C7: variants seen among roughly 807,000 people sequenced by gnomAD.
C7 encodes the protein complement C7.
In C7, 83 loss-of-function variants were observed where a neutral mutation model predicts 104.8. The ratio of observed to expected loss-of-function variants is 0.79; its 90% confidence interval spans 0.66 to 0.95. C7 has a LOEUF of 0.95. Among genes scored for constraint, C7 ranks in the 40% least tolerant of loss-of-function variants. C7 has a pLI of 0.00. For missense variants in C7, 1,070 were observed against 1,011.2 expected, an observed-to-expected ratio of 1.06 and a Z score of -0.79; for synonymous variants, 415 against 360.6, an observed-to-expected ratio of 1.15 and a Z score of -1.71.
chr5:40,968,183 T>C (rs1192313060), intron 14 of C7, among the ~76,000 whole-genome samples: 1 of 152,100 alleles, frequency 6.6e-6, no homozygotes, highest in Non-Finnish European at 1.5e-5. Context: ...TGGAGTGCAG[T>C]GGTGCGATCT....
intron 7 of C7, among the ~76,000 whole-genome samples, chr5:40,946,689 A>T (rs1220096575): frequency 6.6e-6 from 1 of 152,150 alleles, no homozygotes; most frequent in Non-Finnish European, 1.5e-5. Context: ...TTATATACTT[A>T]TATTTATCAG....
chr5:40,947,604 T>G lies in C7; in HGVS notation c.741T>G (p.Ser247Arg), dbSNP rs1428570475. ...TGTACTCTTTCTTCTTTCCACAGAG[T>G]TACCAACTGCTGGTTGTTGAGAACA... Reference protein sequence around the residue: ...SHTNEIHKGKSYQLLVVENTV... With the variant: ...SHTNEIHKGKRYQLLVVENTV... The change falls in exon 8 of 18, where the codon AGT (serine) becomes AGG (arginine). Residue 247 changes from serine (S) to arginine (R), a missense_variant and splice_region_variant. Ser to Arg is a moderately radical substitution (Grantham distance 110). Transcript: ENST00000313164. 2 of 1,613,080 alleles carry G rather than the reference T, an allele frequency of 1.2e-6. No individual in the cohort carries two copies. The highest frequency in any genetic ancestry group is 2.7e-5 in the African/African-American group (2 of 74,896).
chr5:40,970,728 A>G (rs1172930414), intron 14 of C7, among the ~76,000 whole-genome samples: 2 of 152,106 alleles, frequency 1.3e-5, no homozygotes, highest in African/African-American at 4.8e-5. Context: ...CGCATGCATT[A>G]GGTATTTTTC....
intron 1 of C7, among the ~76,000 whole-genome samples, chr5:40,918,124 GACA>G (rs1739357622): frequency 6.6e-6 from 1 of 152,078 alleles, no homozygotes; most frequent in Non-Finnish European, 1.5e-5. Context: ...AAACCACAAA[GACA>G]ACAAGACAGA....
intron 16 of C7, among the ~76,000 whole-genome samples, chr5:40,977,787 G>A (rs1740850460): frequency 6.6e-6 from 1 of 152,124 alleles, no homozygotes; most frequent in African/African-American, 2.4e-5. Flanking sequence ...TGGATCTGGG[G>A]AGGAAATAAG....
intron 1 of C7, among the ~76,000 whole-genome samples, chr5:40,918,306 G>T (rs1173311752): frequency 2.6e-5 from 4 of 151,988 alleles, no homozygotes; most frequent in African/African-American, 9.7e-5. Flanking sequence ...GGTGCAGTGA[G>T]CTGTGATCAC....
Position 40,981,646 on chromosome 5 carries a change from C to A in C7, c.*73C>A. 7.8e-7 allele frequency: 1 copy of A among 1,286,966 alleles called. No homozygotes were observed. The highest frequency in any genetic ancestry group is 1.1e-6 in the Non-Finnish European group (1 of 935,912). The allele number at this position is 1,286,966 out of a possible 1,614,324, so 79.7% of individuals were successfully genotyped here. A position where few individuals can be genotyped will look rare whatever the true frequency, so the allele number is the denominator to read the frequency against. On this transcript the variant is annotated 3_prime_UTR_variant, in exon 18 of 18. Coordinates refer to ENST00000313164, the MANE Select transcript of C7 (RefSeq NM_000587.4). The stretch of plus-strand genomic sequence containing the variant: ...GGGCTGAGTGAAAACATCTGCACAA[C>A]TGGGCACTGGACAGCTTTTCCTTCT...
At chr5:40,971,106 C>T (rs543877710) in intron 14 of C7, among the ~76,000 whole-genome samples, 86 of 152,160 alleles carry the variant, frequency 5.7e-4, no homozygotes, top group Non-Finnish European at 1.1e-3. Context: ...TACCCAGTAA[C>T]GGGATTGCTG....
intron 3 of C7, among the ~76,000 whole-genome samples, chr5:40,932,668 C>T (rs1739720813): frequency 6.6e-6 from 1 of 151,938 alleles, no homozygotes; most frequent in African/African-American, 2.4e-5. Flanking sequence ...TTACAGGCAA[C>T]CAGGTACATG....
chr5:40,921,049 C>CAAA lies in C7; in HGVS notation c.7-7518_7-7516dup, dbSNP rs34006222. 6.5e-3 allele frequency among the ~76,000 whole-genome samples: 826 copies of CAAA among 126,300 alleles called. 8 individuals carry two copies. Among genetic ancestry groups the CAAA allele is most frequent in the South Asian group, 0.012 (49 of 3,952 alleles). The allele number at this position is 126,300 out of a possible 152,430, so 82.9% of individuals were successfully genotyped here. A position where few individuals can be genotyped will look rare whatever the true frequency, so the allele number is the denominator to read the frequency against. ...GGGCGACAGAGCAAGACTCTGTCTC[C>CAAA]AAAAAAAAAAAAAAATGAAAGACTA... On this transcript the variant is annotated intron_variant, in intron 1 of 17. Transcript: ENST00000313164.
At chr5:40,919,518 T>C (rs1275046461) in intron 1 of C7, among the ~76,000 whole-genome samples, 1 of 152,102 alleles carries the variant, frequency 6.6e-6, no homozygotes, top group Non-Finnish European at 1.5e-5. Context: ...TCCCAGCTAA[T>C]TGGAAAGCTG....
rs372551834 is a variant in C7 at position 40,978,873 on chromosome 5, A to ATTTTTTTTTTTTTT, written c.2166-841_2166-828dup. On this transcript the variant is annotated intron_variant, in intron 16 of 17. Coordinates refer to ENST00000313164, the MANE Select transcript of C7 (RefSeq NM_000587.4). ...GAGGAAGGTAACACATTTTATGGAA[A>ATTTTTTTTTTTTTT]TTTTTTTTTTTTTTTTTTTTTTTTG... is the stretch of plus-strand genomic sequence containing the variant. Among the ~76,000 whole-genome samples the ATTTTTTTTTTTTTT allele has an allele frequency of 4.7e-3, 376 of 80,018 alleles. 25 individuals carry two copies. Among genetic ancestry groups the ATTTTTTTTTTTTTT allele is most frequent in the Middle Eastern group, 0.016 (2 of 124 alleles). The allele number at this position is 80,018 out of a possible 152,430, so 52.5% of individuals were successfully genotyped here.
chr5:40,917,996 A>G (rs1236036744), intron 1 of C7, among the ~76,000 whole-genome samples: 1 of 152,204 alleles, frequency 6.6e-6, no homozygotes, highest in Non-Finnish European at 1.5e-5. Flanking sequence ...ACCTTGAAAT[A>G]AGCTGTTGTG....
At chr5:40,917,896 C>A (rs181582496) in intron 1 of C7, among the ~76,000 whole-genome samples, 1 of 152,038 alleles carries the variant, frequency 6.6e-6, no homozygotes, top group East Asian at 1.9e-4. Flanking sequence ...TCAAAGGATA[C>A]ACATGATGTA....
At position 40,915,545 on chromosome 5, in the gene C7, AC is replaced by A. The variant is rs10716038; in HGVS notation, c.6+5930del. Among the ~76,000 whole-genome samples, 1,131 of 152,360 alleles carry A rather than the reference AC, an allele frequency of 7.4e-3. 18 individuals carry two copies. The highest frequency in any genetic ancestry group is 0.026 in the African/African-American group (1,086 of 41,580). On this transcript the variant is annotated intron_variant, in intron 1 of 17. Transcript: ENST00000313164. ...CAGGGACAAGACAAAATGAGCTGACACAGCACGGAGGAAAGCCACATTATTG... is the reference window on the plus strand; with the variant it reads ...CAGGGACAAGACAAAATGAGCTGACAAGCACGGAGGAAAGCCACATTATTG...
intron 14 of C7, among the ~76,000 whole-genome samples, chr5:40,970,394 C>CT: frequency 6.6e-6 from 1 of 151,438 alleles, no homozygotes; most frequent in Non-Finnish European, 1.5e-5. Flanking sequence ...TTTCTCTGTT[C>CT]TTTTTTGAAG....
intron 15 of C7, among the ~76,000 whole-genome samples, chr5:40,974,296 A>G (rs982775967): frequency 6.6e-6 from 1 of 152,046 alleles, no homozygotes; most frequent in Non-Finnish European, 1.5e-5. Flanking sequence ...GTGGGCCTTA[A>G]GAGTGTGTTT....
In C7 at chr5:40,931,063, G is replaced by A. The variant is rs1022194067; in HGVS notation, c.63-1G>A. The A allele has an allele frequency of 4.8e-5, 77 of 1,609,192 alleles. No individual in the cohort carries two copies. The highest frequency in any genetic ancestry group is 5.8e-5 in the Non-Finnish European group (68 of 1,175,850). ...TGATGGACAATTTGACACTGTGGCAGTGCCTCCTCTCCAGTCAACTGCCAG... is the reference window on the plus strand; with the variant it reads ...TGATGGACAATTTGACACTGTGGCAATGCCTCCTCTCCAGTCAACTGCCAG... On this transcript the variant is annotated splice_acceptor_variant, in intron 2 of 17. Coordinates refer to ENST00000313164, the MANE Select transcript of C7 (RefSeq NM_000587.4). LOFTEE classifies it high-confidence loss of function.
chr5:40,962,141 C>CA lies in C7; in HGVS notation c.1719dup (p.Pro574ThrfsTer12), dbSNP rs776165503. 4 of 1,570,844 alleles carry CA rather than the reference C, an allele frequency of 2.5e-6. No individual in the cohort carries two copies. In the African/African-American group the frequency reaches 5.4e-5, roughly 21 times the overall value. On this transcript the variant is annotated frameshift_variant, in exon 13 of 18. Coordinates refer to ENST00000313164, the MANE Select transcript of C7 (RefSeq NM_000587.4). LOFTEE classifies it high-confidence loss of function. ...TTGGTTCCAACAGAATTCTGTCCAT[C>CA]ACCTCCTGCCTTGAAAGATGGATTT...
Sources: allele counts gnomAD v4.1 joint callset (sites outside exome capture counted in the v4.1 genomes callset), GRCh38; gene constraint gnomAD v4.1.1; transcripts MANE v1.5; gene names NCBI Gene and HGNC (gene_info 2026-07-23, HGNC 2026-07-21).